PSEN1: variants seen among roughly 807,000 people sequenced by gnomAD.
The protein encoded by PSEN1 is presenilin-1.
Under a neutral mutation model 53.5 loss-of-function variants are expected in PSEN1, and 15 were observed. The ratio of observed to expected loss-of-function variants is 0.28; its 90% CI spans 0.19 to 0.43. The LOEUF (loss-of-function observed/expected upper bound fraction) is 0.43, where lower values mean the gene tolerates loss of function less well. Ranked by LOEUF, PSEN1 falls within the 20% of genes least tolerant of loss-of-function variation. The probability of loss-of-function intolerance (pLI) is 1.00; values close to 1 mark genes in which losing one functional copy is unlikely to be tolerated. For missense variants in PSEN1, 387 were observed against 571.2 expected, an observed-to-expected ratio of 0.68 and a Z score of 3.29; for synonymous variants, 208 against 209.8, an observed-to-expected ratio of 0.99 and a Z score of 0.08.
chr14:73,191,542 A>AT (rs376338548), intron 6 of PSEN1, among the ~76,000 whole-genome samples: 34 of 149,490 alleles, frequency 2.3e-4, no homozygotes, highest in South Asian at 2.1e-4. Context: ...ACGTACATAT[A>AT]TTTTTTTTTT....
chr14:73,199,287 A>G (rs1566646217), intron 8 of PSEN1, among the ~76,000 whole-genome samples: 1 of 152,056 alleles, frequency 6.6e-6, no homozygotes, highest in East Asian at 1.9e-4. Flanking sequence ...CTGGTGAGCA[A>G]TTCAAATAAA....
intron 3 of PSEN1, among the ~76,000 whole-genome samples, chr14:73,157,954 C>T (rs1806906102): frequency 6.6e-6 from 1 of 151,948 alleles, no homozygotes; most frequent in African/African-American, 2.4e-5. Context: ...CCACTGCACT[C>T]CAGCCTGGGC....
At chr14:73,202,245 G>T (rs1407311479) in intron 8 of PSEN1, among the ~76,000 whole-genome samples, 1 of 149,760 alleles carries the variant, frequency 6.7e-6, no homozygotes, top group East Asian at 2.0e-4. Flanking sequence ...TGAGCCACAG[G>T]TTGGGAGAAG....
chr14:73,186,717 T>C (rs556896277), intron 5 of PSEN1, 136 bp from the exon 6 acceptor site: 3 of 759,810 alleles, frequency 3.9e-6, no homozygotes, highest in Non-Finnish European at 7.0e-6. Flanking sequence ...GCAGAGGTTG[T>C]GGTGAGCTGA....
chr14:73,162,473 G>GGAGAGAGA (rs371588222), intron 3 of PSEN1, among the ~76,000 whole-genome samples: 1 of 145,380 alleles, frequency 6.9e-6, no homozygotes, highest in African/African-American at 2.5e-5. Context: ...TCCATGAGAA[G>GGAGAGAGA]GAGAGAGAGA....
chr14:73,150,639 A>C (rs1897191440), intron 3 of PSEN1, among the ~76,000 whole-genome samples: 1 of 151,764 alleles, frequency 6.6e-6, no homozygotes, highest in East Asian at 1.9e-4. Flanking sequence ...GATGGCAGGC[A>C]CCTGTAATCC....
At chr14:73,214,383 A>G (rs1899824566) in intron 10 of PSEN1, among the ~76,000 whole-genome samples, 1 of 152,100 alleles carries the variant, frequency 6.6e-6, no homozygotes, top group Non-Finnish European at 1.5e-5. Context: ...ATACAAAATT[A>G]GCCCATTGTG....
Position 73,192,755 on chromosome 14 carries a change from A to G in PSEN1, c.660A>G (p.Arg220=). 3.1e-6 allele frequency: 5 copies of G among 1,613,858 alleles called. No individual in the cohort carries two copies. Among genetic ancestry groups the G allele is most frequent in the Non-Finnish European group, 4.2e-6 (5 of 1,179,848 alleles). The change falls in exon 7 of 12, where the codon CGA becomes CGG. Residue 220 remains arginine (R), a synonymous_variant. Transcript: ENST00000324501. ...MISIHWKGPL[R]LQQAYLIMIS... ...CCATTCACTGGAAAGGTCCACTTCGACTCCAGCAGGCATATCTCATTATGA... is the reference window on the plus strand; with the variant it reads ...CCATTCACTGGAAAGGTCCACTTCGGCTCCAGCAGGCATATCTCATTATGA...
chr14:73,191,582 G>C (rs1898719400), intron 6 of PSEN1, among the ~76,000 whole-genome samples: 1 of 151,430 alleles, frequency 6.6e-6, no homozygotes, highest in Non-Finnish European at 1.5e-5. Flanking sequence ...GGGTCTTGCT[G>C]TGTTGCCCAG....
rs1312532981 is a variant in PSEN1 at position 73,170,846 on chromosome 14, A to G, written c.137A>G (p.His46Arg). The G allele has an allele frequency of 6.2e-7, 1 of 1,614,202 alleles. No homozygotes were observed. Among genetic ancestry groups the G allele is most frequent in the Non-Finnish European group, 8.5e-7 (1 of 1,180,024 alleles). The change falls in exon 4 of 12, where the codon CAC (histidine) becomes CGC (arginine). Residue 46 changes from histidine (H) to arginine (R), a missense_variant. By Grantham distance (29) the His-to-Arg change is conservative (BLOSUM62 0). Transcript: ENST00000324501. ...CACAACGACAGACGGAGCCTTGGCCACCCTGAGCCATTATCTAATGGACGA... is the reference window on the plus strand; with the variant it reads ...CACAACGACAGACGGAGCCTTGGCCGCCCTGAGCCATTATCTAATGGACGA... ...QEHNDRRSLG[H>R]PEPLSNGRPQ... is the part of the protein sequence containing the mutation.
intron 7 of PSEN1, among the ~76,000 whole-genome samples, chr14:73,195,159 T>G (rs1898889105): frequency 6.6e-6 from 1 of 152,200 alleles, no homozygotes; most frequent in African/African-American, 2.4e-5. Flanking sequence ...GGGTTCAAAT[T>G]CTACTCATCA....
chr14:73,202,896 C>A (rs759979983), intron 8 of PSEN1, among the ~76,000 whole-genome samples: 1 of 152,048 alleles, frequency 6.6e-6, no homozygotes, highest in Non-Finnish European at 1.5e-5. Flanking sequence ...TATTTAATAA[C>A]CACAGAATAT....
Position 73,170,770 on chromosome 14 carries a change from C to T in PSEN1, c.88-27C>T, listed in dbSNP as rs1267358480. On this transcript the variant is annotated intron_variant, in intron 3 of 11. Coordinates refer to ENST00000324501, the MANE Select transcript of PSEN1 (RefSeq NM_000021.4). ...TTGATTCTGCTGAGAATCTGATTTACTGAAAATGTTTTTCTTGTGCTTATA... is the reference window on the plus strand; with the variant it reads ...TTGATTCTGCTGAGAATCTGATTTATTGAAAATGTTTTTCTTGTGCTTATA... 7 of 1,613,372 alleles carry T rather than the reference C, an allele frequency of 4.3e-6. No homozygotes were observed. The Admixed American group carries it at 8.4e-5, about 19-fold the overall frequency.
In PSEN1 at chr14:73,192,681, A is replaced by G. The variant is rs1162159737; in HGVS notation, c.586A>G (p.Ile196Val). The change falls in exon 7 of 12, where the codon ATT (isoleucine) becomes GTT (valine). Residue 196 changes from isoleucine to valine, a missense_variant. Around this residue, in one of 4 missense-constraint regions of PSEN1, gnomAD observed 169 missense variants for 299.7 expected, o/e 0.56. Coordinates refer to ENST00000324501, the MANE Select transcript of PSEN1 (RefSeq NM_000021.4). ...AACCTATAACGTTGCTGTGGACTACATTACTGTTGCACTCCTGATCTGGAA... is the reference window on the plus strand; with the variant it reads ...AACCTATAACGTTGCTGTGGACTACGTTACTGTTGCACTCCTGATCTGGAA... ...FKTYNVAVDY[I>V]TVALLIWNFG... 1.9e-6 allele frequency: 3 copies of G among 1,613,966 alleles called. No homozygotes were observed. Among genetic ancestry groups the G allele is most frequent in the Admixed American group, 1.7e-5 (1 of 59,988 alleles).
intron 5 of PSEN1, among the ~76,000 whole-genome samples, chr14:73,178,940 A>G (rs1372868113): frequency 1.3e-5 from 2 of 152,072 alleles, no homozygotes; most frequent in Non-Finnish European, 2.9e-5. Context: ...GTGGTGTTCT[A>G]TTTGTAATTC....
intron 5 of PSEN1, among the ~76,000 whole-genome samples, chr14:73,175,979 T>C (rs1329133172): frequency 6.6e-6 from 1 of 152,252 alleles, no homozygotes; most frequent in Non-Finnish European, 1.5e-5. Context: ...CTGGTTTTTA[T>C]AGGTAAAGAA....
In PSEN1 at chr14:73,220,873, A is replaced by G. The variant is rs1448071318; in HGVS notation, c.*1584A>G. 1 of 152,128 alleles carries G rather than the reference A, an allele frequency of 6.6e-6. No individual in the cohort carries two copies. The highest frequency in any genetic ancestry group is 1.5e-5 in the Non-Finnish European group (1 of 68,030). The allele number at this position is 152,128 out of a possible 1,614,324, so 9.4% of individuals were successfully genotyped here. On this transcript the variant is annotated 3_prime_UTR_variant, in exon 12 of 12. Coordinates refer to ENST00000324501, the MANE Select transcript of PSEN1 (RefSeq NM_000021.4). ...CTCTGGACAAAGGCTTGTGGGGCAT[A>G]ACCTTCTTTACCACAGAGAGCCCTT...
At chr14:73,207,191 A>G (rs1233150136) in intron 9 of PSEN1, among the ~76,000 whole-genome samples, 1 of 152,274 alleles carries the variant, frequency 6.6e-6, no homozygotes, top group Non-Finnish European at 1.5e-5. Context: ...TTAGGATAAG[A>G]GAGTGAAAGG....
Position 73,220,845 on chromosome 14 carries a change from C to T in PSEN1, c.*1556C>T, listed in dbSNP as rs1236695461. ...GCCATCAGCCTGTGTGGGCTCAGGG[C>T]ACCTCTGGACAAAGGCTTGTGGGGC... On this transcript the variant is annotated 3_prime_UTR_variant, in exon 12 of 12. Transcript: ENST00000324501. 1 of 152,242 alleles carries T rather than the reference C, an allele frequency of 6.6e-6. No individual in the cohort carries two copies. The highest frequency in any genetic ancestry group is 1.5e-5 in the Non-Finnish European group (1 of 68,088). The allele number at this position is 152,242 out of a possible 1,614,324, so 9.4% of individuals were successfully genotyped here.
Sources: allele counts gnomAD v4.1 joint callset (sites outside exome capture counted in the v4.1 genomes callset), GRCh38; gene constraint gnomAD v4.1.1; regional missense constraint gnomAD v4.1.1; transcripts MANE v1.5; gene names NCBI Gene and HGNC (gene_info 2026-07-23, HGNC 2026-07-21).